BRD10: variants seen among roughly 807,000 people sequenced by gnomAD.
The protein encoded by BRD10 is bromodomain containing 10.
At chr9:5,978,640 T>C in the BRD10 span, among the ~76,000 whole-genome samples, 7 of 152,172 alleles carry the variant, frequency 4.6e-5, no homozygotes, top group Admixed American at 1.3e-4. Flanking sequence ...AGGGAGCTTA[T>C]AGAAGCTCTG....
chr9:5,921,690 G>C, the BRD10 span: 5 of 1,613,834 alleles, frequency 3.1e-6, no homozygotes, highest in Non-Finnish European at 4.2e-6. Context: ...TGTTTAGTTG[G>C]AGTATGAATA....
the BRD10 span, among the ~76,000 whole-genome samples, chr9:5,912,354 T>C: frequency 6.6e-6 from 1 of 152,000 alleles, no homozygotes; most frequent in Non-Finnish European, 1.5e-5. Flanking sequence ...AATTTGAATG[T>C]CCCGTCTCTT....
chr9:5,895,276 T>C, the BRD10 span, among the ~76,000 whole-genome samples: 2 of 152,110 alleles, frequency 1.3e-5, no homozygotes, highest in Admixed American at 1.3e-4. Flanking sequence ...AATAAGTAAC[T>C]GCACATGGCC....
At chr9:5,952,026 T>TATTTATTTATTTATTC in the BRD10 span, among the ~76,000 whole-genome samples, 2,153 of 149,484 alleles carry the variant, frequency 0.014, 32 homozygotes, top group East Asian at 0.02. Context: ...TTTATTTATT[T>TATTTATTTATTTATTC]ATTTATTTAT....
chr9:5,889,687 A>G, the BRD10 span, among the ~76,000 whole-genome samples: 1 of 152,106 alleles, frequency 6.6e-6, no homozygotes, highest in Non-Finnish European at 1.5e-5. Flanking sequence ...CAGGAGGCTG[A>G]GGCAGGAGAA....
the BRD10 span, among the ~76,000 whole-genome samples, chr9:5,885,842 C>T: frequency 6.6e-6 from 1 of 152,166 alleles, no homozygotes; most frequent in Non-Finnish European, 1.5e-5. Flanking sequence ...GGTGAGGACT[C>T]AGTAGTGACT....
the BRD10 span, among the ~76,000 whole-genome samples, chr9:5,985,640 C>T: frequency 6.6e-6 from 1 of 152,036 alleles, no homozygotes; most frequent in Admixed American, 6.5e-5. Flanking sequence ...ACAGAATTAG[C>T]CGGGTGTGGT....
At chr9:5,933,760 A>G in the BRD10 span, 7 of 470,680 alleles carry the variant, frequency 1.5e-5, no homozygotes, top group Non-Finnish European at 3.1e-5. Context: ...CCTCACAACT[A>G]AAGAACAACT....
At chr9:6,005,442 T>C in the BRD10 span, among the ~76,000 whole-genome samples, 1 of 152,010 alleles carries the variant, frequency 6.6e-6, no homozygotes, top group East Asian at 1.9e-4. Flanking sequence ...GAGGCGGAGG[T>C]TGCAGTGAGC....
At chr9:5,950,650 C>T in the BRD10 span, among the ~76,000 whole-genome samples, 3 of 152,224 alleles carry the variant, frequency 2.0e-5, no homozygotes, top group Middle Eastern at 3.4e-3. Flanking sequence ...GAACCACTGA[C>T]ATAACTCTTA....
At chr9:5,956,187 G>A in the BRD10 span, among the ~76,000 whole-genome samples, 2 of 152,110 alleles carry the variant, frequency 1.3e-5, no homozygotes, top group Non-Finnish European at 1.5e-5. Flanking sequence ...ACCCTTGATA[G>A]TCCCATGAAT....
chr9:5,988,474 G>C, the BRD10 span: 2 of 1,613,820 alleles, frequency 1.2e-6, no homozygotes, highest in Non-Finnish European at 1.7e-6. Flanking sequence ...GGTACATGCA[G>C]TTCCCTTCTC....
At chr9:5,891,874 G>C in the BRD10 span, among the ~76,000 whole-genome samples, 1 of 152,186 alleles carries the variant, frequency 6.6e-6, no homozygotes, top group Non-Finnish European at 1.5e-5. Flanking sequence ...TGTGTGGGGT[G>C]GTTTCCTTTG....
At chr9:5,965,066 A>G in the BRD10 span, among the ~76,000 whole-genome samples, 2 of 148,210 alleles carry the variant, frequency 1.3e-5, no homozygotes, top group South Asian at 2.1e-4. Flanking sequence ...TAAAAAAAAA[A>G]AAAAAAAGAA....
At chr9:5,953,939 C>A in the BRD10 span, 1 of 805,870 alleles carries the variant, frequency 1.2e-6, no homozygotes, top group South Asian at 1.6e-5. Context: ...TCTTGGAATT[C>A]AGCCAAACTC....
At chr9:5,916,822 G>A in the BRD10 span, among the ~76,000 whole-genome samples, 1 of 152,096 alleles carries the variant, frequency 6.6e-6, no homozygotes, top group Non-Finnish European at 1.5e-5. Flanking sequence ...TTGTGGTGAC[G>A]TTTCTTCCTT....
chr9:5,980,519 T>A, the BRD10 span, among the ~76,000 whole-genome samples: 5 of 152,150 alleles, frequency 3.3e-5, no homozygotes, highest in African/African-American at 1.2e-4. Context: ...ATCAGCCTAC[T>A]GTATAAAAAT....
chr9:5,900,261 ACTCTATGCCTCCATTC>A, the BRD10 span, among the ~76,000 whole-genome samples: 4 of 151,872 alleles, frequency 2.6e-5, no homozygotes, highest in African/African-American at 9.7e-5. Context: ...TCAAATTCAA[ACTCTATGCCTCCATTC>A]CTCTAGGATT....
chr9:5,924,805 G>C, the BRD10 span: 3 of 1,545,896 alleles, frequency 1.9e-6, no homozygotes, highest in African/African-American at 2.7e-5. Context: ...TCATGATCAG[G>C]TTGTCTTCTG....
Sources: allele counts gnomAD v4.1 joint callset (sites outside exome capture counted in the v4.1 genomes callset), GRCh38; gene constraint gnomAD v4.1.1; transcripts MANE v1.5; gene names NCBI Gene and HGNC (gene_info 2026-07-23, HGNC 2026-07-21).